The following FER1L6 variants were observed in gnomAD, a reference collection of about 807,000 sequenced individuals.
FER1L6 encodes fer-1 like family member 6.
A neutral mutation model predicts 219.2 loss-of-function variants in FER1L6; 177 were observed. That is an observed-to-expected ratio of 0.81 (90% CI 0.71 to 0.91). The LOEUF (loss-of-function observed/expected upper bound fraction) is 0.91, where lower values mean the gene tolerates loss of function less well. Ranked by LOEUF, FER1L6 falls within the 40% of genes least tolerant of loss-of-function variation. The pLI, the probability that FER1L6 is intolerant of heterozygous loss-of-function variation, is 0.00. For synonymous variants in FER1L6, 768 were observed against 824.3 expected, an observed-to-expected ratio of 0.93 and a Z score of 1.17; for missense variants, 2,153 against 2,259.9, an observed-to-expected ratio of 0.95 and a Z score of 0.96.
intron 21 of FER1L6, 115 bp from the exon 22 acceptor site, chr8:124,049,492 A>AC: frequency 8.4e-7 from 1 of 1,190,994 alleles, no homozygotes; most frequent in Non-Finnish European, 1.2e-6. Flanking sequence ...AAAGAGTGAG[A>AC]CATGGAAGCT....
At chr8:123,930,002 TA>T (rs1471748344) in intron 1 of FER1L6, among the ~76,000 whole-genome samples, 1 of 151,564 alleles carries the variant, frequency 6.6e-6, no homozygotes. Context: ...TTTATTGAGA[TA>T]ATTGTAAATT....
rs367912807 is a variant in FER1L6 at position 123,973,452 on chromosome 8, A to G, written c.466A>G (p.Ile156Val). 6.2e-7 allele frequency: 1 copy of G among 1,614,034 alleles called. No homozygotes were observed. Among genetic ancestry groups the G allele is most frequent in the Non-Finnish European group, 8.5e-7 (1 of 1,179,906 alleles). Reference protein sequence around the residue: ...IKISVFHHKLIGSVLIGSFKV... With the variant: ...IKISVFHHKLVGSVLIGSFKV... ...TCCTCAGGTCTTTCACCACAAGCTG[A>G]TAGGAAGTGTACTGATTGGCTCTTT... is the stretch of plus-strand genomic sequence containing the variant. Residue 156 changes from isoleucine to valine, a missense_variant, in exon 7 of 41, where the codon ATA (isoleucine) becomes GTA (valine). Coordinates refer to ENST00000522917, the MANE Select transcript of FER1L6 (RefSeq NM_001039112.2).
intron 35 of FER1L6, among the ~76,000 whole-genome samples, chr8:124,095,504 G>A (rs10090770): frequency 0.025 from 3,815 of 152,266 alleles, 167 homozygotes; most frequent in African/African-American, 0.087. Flanking sequence ...AGAAGCAATA[G>A]GTGGTAGGTT....
At chr8:124,097,627 T>C (rs1252134245) in intron 36 of FER1L6, among the ~76,000 whole-genome samples, 158 bp from the exon 37 acceptor site, 5 of 152,158 alleles carry the variant, frequency 3.3e-5, no homozygotes, top group Non-Finnish European at 7.4e-5. Flanking sequence ...CCAGCTAGGA[T>C]ACTTGGTTCT....
At chr8:123,877,129 A>C (rs545050694) in intron 1 of FER1L6, among the ~76,000 whole-genome samples, 6 of 152,252 alleles carry the variant, frequency 3.9e-5, no homozygotes, top group Non-Finnish European at 8.8e-5. Context: ...GCCCAGCACA[A>C]CACCATAGAA....
chr8:123,910,378 G>A (rs1813030254), intron 1 of FER1L6, among the ~76,000 whole-genome samples: 1 of 152,220 alleles, frequency 6.6e-6, no homozygotes, highest in African/African-American at 2.4e-5. Flanking sequence ...CAGATGGTGA[G>A]TTGGTAAGTT....
At chr8:123,891,101 TA>T (rs1344783015) in intron 1 of FER1L6, among the ~76,000 whole-genome samples, 2 of 152,098 alleles carry the variant, frequency 1.3e-5, no homozygotes, top group Non-Finnish European at 1.5e-5. Flanking sequence ...TAAGTAACAA[TA>T]AAAAAAGTGA....
At chr8:123,873,723 C>G (rs1816961606) in intron 1 of FER1L6, among the ~76,000 whole-genome samples, 1 of 152,126 alleles carries the variant, frequency 6.6e-6, no homozygotes, top group Admixed American at 6.6e-5. Flanking sequence ...TGGTGGCTTC[C>G]CTGTCTACAT....
intron 1 of FER1L6, among the ~76,000 whole-genome samples, chr8:123,903,302 A>G (rs1214232112): frequency 6.6e-6 from 1 of 152,220 alleles, no homozygotes; most frequent in African/African-American, 2.4e-5. Flanking sequence ...TTCTGTTTTT[A>G]GTAGTGGTAT....
intron 5 of FER1L6, among the ~76,000 whole-genome samples, chr8:123,968,117 T>C (rs976407414): frequency 2.0e-5 from 3 of 152,194 alleles, no homozygotes; most frequent in Non-Finnish European, 4.4e-5. Context: ...TGACTATAAA[T>C]GAAATGTCAG....
chr8:124,010,735 A>G, intron 14 of FER1L6, 21 bp downstream of exon 14: 1 of 1,611,610 alleles, frequency 6.2e-7, no homozygotes, highest in Non-Finnish European at 8.5e-7. Flanking sequence ...CTGACAGGTG[A>G]TGGATTAGAG....
chr8:124,040,216 G>C (rs1337409299), intron 20 of FER1L6, among the ~76,000 whole-genome samples: 2 of 152,226 alleles, frequency 1.3e-5, no homozygotes, highest in Non-Finnish European at 2.9e-5. Flanking sequence ...CTAGGGCAAA[G>C]GATGCAAGTC....
Position 123,934,066 on chromosome 8 carries a change from A to G in FER1L6, c.-7-21926A>G, listed in dbSNP as rs572160928. Reference sequence around the variant, plus strand: ...TAAGAACAAGGGGATCCTCTTGGCCACAATACTCCCTCCACTCCACTCAGG... The same window carrying G: ...TAAGAACAAGGGGATCCTCTTGGCCGCAATACTCCCTCCACTCCACTCAGG... On this transcript the variant is annotated intron_variant, in intron 1 of 40. Transcript: ENST00000522917. Among the ~76,000 whole-genome samples the G allele has an allele frequency of 4.2e-4, 64 of 152,272 alleles. 1 individual carries two copies. The highest frequency in any genetic ancestry group is 6.8e-3 in the Middle Eastern group (2 of 294).
At chr8:123,972,190 G>A (rs1008806203) in intron 6 of FER1L6, among the ~76,000 whole-genome samples, 1 of 152,208 alleles carries the variant, frequency 6.6e-6, no homozygotes, top group African/African-American at 2.4e-5. Context: ...TGACACCCAT[G>A]GAAAATTTAG....
chr8:123,874,330 G>A (rs367758986), intron 1 of FER1L6, among the ~76,000 whole-genome samples: 3 of 152,250 alleles, frequency 2.0e-5, no homozygotes, highest in African/African-American at 7.2e-5. Flanking sequence ...CCACATACTA[G>A]CTGCGTCACG....
chr8:124,109,806 A>C (rs376114725), intron 39 of FER1L6, among the ~76,000 whole-genome samples: 3 of 152,226 alleles, frequency 2.0e-5, no homozygotes, highest in African/African-American at 7.2e-5. Flanking sequence ...AGAAGCTGCT[A>C]TCTTGAGGGG....
intron 2 of FER1L6, among the ~76,000 whole-genome samples, chr8:123,956,532 G>T (rs367770950): frequency 6.6e-6 from 1 of 152,212 alleles, no homozygotes; most frequent in African/African-American, 2.4e-5. Flanking sequence ...CATCATCTTC[G>T]CAGTAGGTAT....
intron 31 of FER1L6, among the ~76,000 whole-genome samples, chr8:124,074,526 C>T (rs531184939): frequency 6.4e-4 from 97 of 151,766 alleles, no homozygotes; most frequent in Non-Finnish European, 1.1e-3. Context: ...GTGGCTCATG[C>T]CTGTAGTTCC....
At chr8:123,883,559 G>C (rs549504908) in intron 1 of FER1L6, among the ~76,000 whole-genome samples, 2 of 152,164 alleles carry the variant, frequency 1.3e-5, no homozygotes, top group Non-Finnish European at 2.9e-5. Context: ...TCAGGTTGAC[G>C]TCTGTTCAGA....
Sources: allele counts gnomAD v4.1 joint callset (sites outside exome capture counted in the v4.1 genomes callset), GRCh38; gene constraint gnomAD v4.1.1; transcripts MANE v1.5; gene names NCBI Gene and HGNC (gene_info 2026-07-23, HGNC 2026-07-21).